Variants in DGKD observed in about 807,000 individuals in gnomAD.
DGKD encodes DAG kinase delta.
A neutral mutation model predicts 154.4 loss-of-function variants in DGKD; 68 were observed. That is an observed-to-expected ratio of 0.44 (90% CI 0.36 to 0.54). The LOEUF is 0.54. DGKD is among the 20% of genes least tolerant of loss of function. DGKD has a pLI of 0.00. For missense variants in DGKD, 1,343 were observed against 1,593.6 expected (o/e 0.84, Z 2.68); for synonymous variants, 693 against 638.0 (o/e 1.09, Z -1.30).
At chr2:233,414,055 G>A (rs1054032130) in intron 3 of DGKD, among the ~76,000 whole-genome samples, 9 of 152,274 alleles carry the variant, frequency 5.9e-5, no homozygotes, top group African/African-American at 2.2e-4. Context: ...ATTCCAGGAG[G>A]CTCTTGACCT....
At chr2:233,437,574 G>C in intron 8 of DGKD, 95 bp downstream of exon 8, 3 of 1,245,372 alleles carry the variant, frequency 2.4e-6, no homozygotes, top group South Asian at 1.3e-5. Flanking sequence ...GGTTATCTTG[G>C]TGAGATGTCA....
chr2:233,373,675 A>T (rs901222389), intron 1 of DGKD, among the ~76,000 whole-genome samples: 3 of 152,256 alleles, frequency 2.0e-5, no homozygotes, highest in Admixed American at 2.0e-4. Flanking sequence ...GGTACATTAT[A>T]TGGAACGACT....
At chr2:233,383,967 A>G (rs559421882) in intron 1 of DGKD, among the ~76,000 whole-genome samples, 1 of 152,220 alleles carries the variant, frequency 6.6e-6, no homozygotes, top group South Asian at 2.1e-4. Context: ...GTGCCGTGAG[A>G]TACTCTGTAG....
In DGKD at chr2:233,439,530, T is replaced by C. The variant is rs2062819529; in HGVS notation, c.1085+1151T>C. Among the ~76,000 whole-genome samples the C allele has an allele frequency of 2.6e-5, 4 of 152,338 alleles. No homozygotes were observed. In the South Asian group the frequency reaches 8.3e-4, roughly 32 times the overall value. On this transcript the variant is annotated intron_variant, in intron 9 of 29. Transcript: ENST00000264057. ...CTTATCTGAATGGTGGAGGATTGCA[T>C]TCACTAGTAGGCTGATCAAGATATT...
Position 233,420,277 on chromosome 2 carries a change from T to C in DGKD, c.349-14103T>C, listed in dbSNP as rs7566918. Among the ~76,000 whole-genome samples the C allele has an allele frequency of 6.7e-3, 1,025 of 152,288 alleles. 18 individuals carry two copies. Among genetic ancestry groups the C allele is most frequent in the African/African-American group, 0.024 (987 of 41,558 alleles). ...ACCTTCCGTATGGCTAAACTACAAA[T>C]ATAGGGCATGGCTATATTGTGTGTG... On this transcript the variant is annotated intron_variant, in intron 3 of 29. Transcript: ENST00000264057.
chr2:233,416,265 T>G (rs1651467479), intron 3 of DGKD, among the ~76,000 whole-genome samples: 1 of 152,214 alleles, frequency 6.6e-6, no homozygotes, highest in South Asian at 2.1e-4. Flanking sequence ...TTGTTTTCTG[T>G]GTGGTAGCCA....
intron 3 of DGKD, among the ~76,000 whole-genome samples, chr2:233,429,856 G>C (rs2062450694): frequency 6.6e-6 from 1 of 152,230 alleles, no homozygotes; most frequent in African/African-American, 2.4e-5. Flanking sequence ...ACCAACCCAG[G>C]ATATGTGGAA....
intron 10 of DGKD, among the ~76,000 whole-genome samples, chr2:233,444,084 G>A (rs1356886993): frequency 6.6e-6 from 1 of 152,070 alleles, no homozygotes; most frequent in East Asian, 1.9e-4. Flanking sequence ...CTCTCTCCTG[G>A]GGGCGCCTCA....
intron 3 of DGKD, among the ~76,000 whole-genome samples, chr2:233,412,449 T>A (rs1430281509): frequency 2.0e-5 from 3 of 152,256 alleles, no homozygotes; most frequent in Admixed American, 6.5e-5. Flanking sequence ...ACAGTGGATT[T>A]TGTGACCTTG....
At chr2:233,378,803 C>T (rs866273542) in intron 1 of DGKD, among the ~76,000 whole-genome samples, 6 of 152,146 alleles carry the variant, frequency 3.9e-5, no homozygotes, top group African/African-American at 1.4e-4. Flanking sequence ...GGTGTAGTGG[C>T]TTATGCCTGC....
intron 1 of DGKD, among the ~76,000 whole-genome samples, chr2:233,370,874 C>T (rs1465688593): frequency 6.6e-6 from 1 of 151,998 alleles, no homozygotes; most frequent in East Asian, 1.9e-4. Context: ...ACCTCAGCTT[C>T]CCAAGCAGCT....
intron 3 of DGKD, among the ~76,000 whole-genome samples, chr2:233,410,263 G>C (rs143223207): frequency 1.3e-5 from 2 of 152,142 alleles, no homozygotes; most frequent in South Asian, 2.1e-4. Flanking sequence ...TGAAGAAAGA[G>C]GGGGGGCTCA....
chr2:233,462,058 A>G (rs1393382104), intron 24 of DGKD, among the ~76,000 whole-genome samples: 1 of 152,228 alleles, frequency 6.6e-6, no homozygotes, highest in African/African-American at 2.4e-5. Context: ...TCACTTGCCC[A>G]CTGGCCGTTT....
At chr2:233,390,339 T>G in intron 2 of DGKD, 64 bp from the exon 3 acceptor site, 1 of 1,300,246 alleles carries the variant, frequency 7.7e-7, no homozygotes, top group South Asian at 1.2e-5. Flanking sequence ...TGGGCAGCGC[T>G]GGCTAGTGCT....
chr2:233,405,517 TAA>T (rs1185414508), intron 3 of DGKD, among the ~76,000 whole-genome samples: 8 of 126,970 alleles, frequency 6.3e-5, no homozygotes, highest in Admixed American at 7.9e-5. Context: ...AAACTCTGTC[TAA>T]AAAAAAAAAA....
At chr2:233,462,769 G>A in intron 26 of DGKD, 34 bp downstream of exon 26, 1 of 1,591,896 alleles carries the variant, frequency 6.3e-7, no homozygotes, top group South Asian at 1.1e-5. Context: ...CAGGGCTCGG[G>A]CTGTGTGTGA....
At chr2:233,446,937 GGTGAA>G in intron 12 of DGKD, 141 bp downstream of exon 12, 4 of 969,160 alleles carry the variant, frequency 4.1e-6, no homozygotes, top group Non-Finnish European at 6.1e-6. Flanking sequence ...GGAGGCGCAG[GGTGAA>G]CCCATGGCTG....
chr2:233,369,843 C>T (rs1238339585), intron 1 of DGKD, among the ~76,000 whole-genome samples: 2 of 152,176 alleles, frequency 1.3e-5, no homozygotes, highest in African/African-American at 4.8e-5. Flanking sequence ...TCACCTGCTG[C>T]CCACTCTGCT....
At chr2:233,447,029 C>T (rs1455503355) in intron 12 of DGKD, among the ~76,000 whole-genome samples, 1 of 152,216 alleles carries the variant, frequency 6.6e-6, no homozygotes, top group Non-Finnish European at 1.5e-5. Flanking sequence ...TTGTCATAGG[C>T]CCTGCCGGGT....
Sources: gnomAD v4.1 joint callset for allele counts (sites outside exome capture counted in the v4.1 genomes callset) on GRCh38, gnomAD v4.1.1 for gene constraint, MANE v1.5 for transcripts, NCBI Gene and HGNC (gene_info 2026-07-23, HGNC 2026-07-21) for gene names.